The following AGBL4 variants were observed in gnomAD, a reference collection of about 807,000 sequenced individuals.
AGBL4 encodes AGBL carboxypeptidase 4.
In AGBL4, 58 loss-of-function variants were observed where a neutral mutation model predicts 66.4. The ratio of observed to expected loss-of-function variants is 0.87; its 90% CI spans 0.71 to 1.09. AGBL4 has a LOEUF of 1.09. Ranked by LOEUF, AGBL4 falls within the 50% of genes least tolerant of loss-of-function variation. The probability of loss-of-function intolerance (pLI) is 0.00; values close to 1 mark genes in which losing one functional copy is unlikely to be tolerated. For missense variants in AGBL4, 579 were observed against 631.0 expected, an observed-to-expected ratio of 0.92 and a Z score of 0.88; for synonymous variants, 234 against 222.9, an observed-to-expected ratio of 1.05 and a Z score of -0.44.
At chr1:49,351,860 C>T (rs1029875438) in intron 3 of AGBL4, among the ~76,000 whole-genome samples, 7 of 152,194 alleles carry the variant, frequency 4.6e-5, no homozygotes, top group African/African-American at 1.7e-4. Context: ...GATATTTATA[C>T]CAGATGGCCA....
At chr1:49,964,029 G>A (rs1454140077) in intron 1 of AGBL4, among the ~76,000 whole-genome samples, 1 of 151,882 alleles carries the variant, frequency 6.6e-6, no homozygotes, top group African/African-American at 2.4e-5. Context: ...TTAAAGAAAA[G>A]GCTAACTTCA....
chr1:49,714,757 G>T (rs1647961876), intron 2 of AGBL4, among the ~76,000 whole-genome samples: 1 of 151,210 alleles, frequency 6.6e-6, no homozygotes, highest in Admixed American at 6.6e-5. Context: ...GTTTATTTTT[G>T]ATGAAATTAT....
intron 1 of AGBL4, among the ~76,000 whole-genome samples, chr1:49,900,389 G>A (rs1206193411): frequency 6.6e-6 from 1 of 151,950 alleles, no homozygotes; most frequent in Non-Finnish European, 1.5e-5. Context: ...GGGATTACAG[G>A]CATGCACCAC....
intron 6 of AGBL4, among the ~76,000 whole-genome samples, chr1:48,665,134 C>T (rs1350766390): frequency 6.6e-6 from 1 of 152,184 alleles, no homozygotes; most frequent in Non-Finnish European, 1.5e-5. Context: ...GTCACTGCTT[C>T]CCCTGAAAGG....
At chr1:49,881,607 C>T (rs560261531) in intron 1 of AGBL4, among the ~76,000 whole-genome samples, 3,995 of 145,568 alleles carry the variant, frequency 0.027, 164 homozygotes, top group African/African-American at 0.096. Context: ...TATCTCATTG[C>T]GGTTTTGATT....
chr1:48,554,311 A>T (rs965462938), intron 11 of AGBL4, among the ~76,000 whole-genome samples: 2 of 152,110 alleles, frequency 1.3e-5, no homozygotes, highest in Admixed American at 1.3e-4. Flanking sequence ...AACAGCTTTC[A>T]CCAAATGCTG....
At chr1:49,429,514 T>C (rs1645736940) in intron 3 of AGBL4, among the ~76,000 whole-genome samples, 1 of 152,214 alleles carries the variant, frequency 6.6e-6, no homozygotes, top group East Asian at 1.9e-4. Flanking sequence ...CAGCTGCATA[T>C]TCAAATGTCT....
At chr1:48,729,382 T>C (rs905438854) in intron 6 of AGBL4, among the ~76,000 whole-genome samples, 1 of 152,122 alleles carries the variant, frequency 6.6e-6, no homozygotes, top group Non-Finnish European at 1.5e-5. Flanking sequence ...CACGGGAATG[T>C]GTAATAATGG....
At chr1:48,748,390 G>A (rs527814271) in intron 6 of AGBL4, among the ~76,000 whole-genome samples, 8 of 152,328 alleles carry the variant, frequency 5.3e-5, no homozygotes, top group Admixed American at 3.3e-4. Context: ...CTGAGTGCCA[G>A]CCCTGTGCTA....
intron 4 of AGBL4, among the ~76,000 whole-genome samples, chr1:49,159,224 T>A (rs1397066474): frequency 6.6e-6 from 1 of 152,132 alleles, no homozygotes; most frequent in Non-Finnish European, 1.5e-5. Flanking sequence ...CCATATTTAG[T>A]GCTTCCTTCA....
chr1:49,524,762 C>G (rs1286749027), intron 3 of AGBL4, among the ~76,000 whole-genome samples: 1 of 151,964 alleles, frequency 6.6e-6, no homozygotes, highest in East Asian at 1.9e-4. Context: ...CTTTGTAACA[C>G]CATAATAATT....
intron 3 of AGBL4, among the ~76,000 whole-genome samples, chr1:49,261,328 G>T (rs1653140950): frequency 6.6e-6 from 1 of 152,130 alleles, no homozygotes; most frequent in African/African-American, 2.4e-5. Flanking sequence ...GCAGGAGAAG[G>T]AAATAAAGGG....
chr1:49,123,857 C>G (rs2148051514), intron 4 of AGBL4, among the ~76,000 whole-genome samples: 1 of 152,266 alleles, frequency 6.6e-6, no homozygotes, highest in African/African-American at 2.4e-5. Context: ...ATTACTCAAC[C>G]CAATAAGTAC....
chr1:48,640,773 A>G (rs373270820), intron 8 of AGBL4, among the ~76,000 whole-genome samples: 3 of 152,294 alleles, frequency 2.0e-5, no homozygotes, highest in East Asian at 3.9e-4. Context: ...TGATCTTCCT[A>G]TCCTGTTCTC....
chr1:49,431,371 T>G (rs1645781950), intron 3 of AGBL4, among the ~76,000 whole-genome samples: 3 of 152,222 alleles, frequency 2.0e-5, no homozygotes, highest in African/African-American at 7.2e-5. Flanking sequence ...ACATCTTTGA[T>G]TAGATGAAAT....
chr1:49,602,459 T>C (rs1349674718), intron 3 of AGBL4, among the ~76,000 whole-genome samples: 1 of 152,058 alleles, frequency 6.6e-6, no homozygotes, highest in Non-Finnish European at 1.5e-5. Flanking sequence ...CCATCAATGA[T>C]AGACTAGATA....
chr1:49,301,652 G>A (rs1644746655), intron 3 of AGBL4, among the ~76,000 whole-genome samples: 2 of 152,132 alleles, frequency 1.3e-5, no homozygotes, highest in African/African-American at 4.8e-5. Context: ...GGAGCCAAGT[G>A]GCTGGTGGGA....
intron 11 of AGBL4, among the ~76,000 whole-genome samples, chr1:48,575,583 A>G (rs1174601640): frequency 6.6e-6 from 1 of 152,130 alleles, no homozygotes; most frequent in East Asian, 1.9e-4. Flanking sequence ...ACTCACACCC[A>G]AGGCCCAGAC....
intron 4 of AGBL4, among the ~76,000 whole-genome samples, chr1:49,138,871 T>C (rs1646063484): frequency 6.6e-6 from 1 of 152,188 alleles, no homozygotes; most frequent in Admixed American, 6.6e-5. Flanking sequence ...TATAAAGAAC[T>C]ACCTGAGACT....
Sources: gnomAD v4.1 joint callset for allele counts (sites outside exome capture counted in the v4.1 genomes callset) on GRCh38, gnomAD v4.1.1 for gene constraint, MANE v1.5 for transcripts, NCBI Gene and HGNC (gene_info 2026-07-23, HGNC 2026-07-21) for gene names.